ST3GAL2: variants seen among roughly 807,000 people sequenced by gnomAD.
ST3GAL2 encodes the protein CMP-N-acetylneuraminate-beta-galactosamide-alpha-2,3-sialyltransferase 2.
A neutral mutation model predicts 37.5 loss-of-function variants in ST3GAL2; 16 were observed. The observed-to-expected ratio is 0.43, with a 90% CI of 0.29 to 0.65. The LOEUF (loss-of-function observed/expected upper bound fraction) is 0.65, where lower values mean the gene tolerates loss of function less well. Ranked by LOEUF, ST3GAL2 falls within the 30% of genes least tolerant of loss-of-function variation. The pLI, the probability that ST3GAL2 is intolerant of heterozygous loss-of-function variation, is 0.17. For missense variants in ST3GAL2, 383 were observed against 487.8 expected (o/e 0.79, Z 2.02); for synonymous variants, 238 against 202.9 (o/e 1.17, Z -1.47).
At chr16:70,385,334 G>A (rs1391153791) in intron 4 of ST3GAL2, among the ~76,000 whole-genome samples, 1 of 151,988 alleles carries the variant, frequency 6.6e-6, no homozygotes, top group African/African-American at 2.4e-5. Flanking sequence ...AAAAAGAATA[G>A]TTAAATCATA....
chr16:70,413,659 C>T (rs1215337095), intron 1 of ST3GAL2, among the ~76,000 whole-genome samples: 1 of 150,818 alleles, frequency 6.6e-6, no homozygotes, highest in Non-Finnish European at 1.5e-5. Context: ...TTGCTTGAGC[C>T]CAGGAAGCGG....
At chr16:70,437,398 G>A (rs1356710620) in intron 1 of ST3GAL2, among the ~76,000 whole-genome samples, 1 of 152,056 alleles carries the variant, frequency 6.6e-6, no homozygotes, top group Non-Finnish European at 1.5e-5. Context: ...TGCTCCTTCA[G>A]GAACCCACAT....
In ST3GAL2 at chr16:70,378,394, A is replaced by G. The variant is rs2047366614; in HGVS notation, c.*3295T>C. 1 of 108,832 alleles carries G rather than the reference A, an allele frequency of 9.2e-6. No homozygotes were observed. Among genetic ancestry groups the G allele is most frequent in the African/African-American group, 3.7e-5 (1 of 26,864 alleles). 6.7% of individuals were successfully genotyped at this position (108,832 alleles called of 1,614,324 possible). ...ACTCCAGCCTGGGTGACAGAGCAAG[A>G]CTCCATCTCAAAAAAAAAAAAAAAA... is the stretch of plus-strand genomic sequence containing the variant. On this transcript the variant is annotated 3_prime_UTR_variant, in exon 7 of 7. Coordinates refer to ENST00000342907, the MANE Select transcript of ST3GAL2 (RefSeq NM_006927.4).
chr16:70,429,104 G>A (rs1472009193), intron 1 of ST3GAL2, among the ~76,000 whole-genome samples: 1 of 152,228 alleles, frequency 6.6e-6, no homozygotes, highest in Non-Finnish European at 1.5e-5. Context: ...CCCCTCAGCT[G>A]CAGGAGCCTG....
chr16:70,402,898 G>T (rs1004787741), intron 1 of ST3GAL2, among the ~76,000 whole-genome samples: 3 of 152,110 alleles, frequency 2.0e-5, no homozygotes, highest in African/African-American at 7.2e-5. Flanking sequence ...TGATCCACCC[G>T]CCTCAGCCTC....
chr16:70,403,905 G>C (rs999282722), intron 1 of ST3GAL2, among the ~76,000 whole-genome samples: 1 of 152,096 alleles, frequency 6.6e-6, no homozygotes, highest in African/African-American at 2.4e-5. Flanking sequence ...TTAGGCATAA[G>C]GATCACTTGA....
intron 1 of ST3GAL2, among the ~76,000 whole-genome samples, chr16:70,407,070 C>T (rs2047597574): frequency 6.6e-6 from 1 of 151,530 alleles, no homozygotes; most frequent in Non-Finnish European, 1.5e-5. Flanking sequence ...ACAGAGAGAC[C>T]AGATGTGAAA....
chr16:70,430,074 G>A (rs141245890), intron 1 of ST3GAL2, among the ~76,000 whole-genome samples: 2 of 152,230 alleles, frequency 1.3e-5, no homozygotes, highest in South Asian at 2.1e-4. Flanking sequence ...CTTGAGGACA[G>A]CCAAACAGAC....
At chr16:70,420,996 C>T (rs568826860) in intron 1 of ST3GAL2, among the ~76,000 whole-genome samples, 1 of 152,238 alleles carries the variant, frequency 6.6e-6, no homozygotes, top group Non-Finnish European at 1.5e-5. Context: ...TCATTGTGAG[C>T]CCACGGCCAG....
intron 1 of ST3GAL2, among the ~76,000 whole-genome samples, chr16:70,418,355 G>A (rs1195059220): frequency 6.6e-6 from 1 of 152,136 alleles, no homozygotes; most frequent in Non-Finnish European, 1.5e-5. Flanking sequence ...AGGGCTCCTT[G>A]GCTTTGACAG....
rs1447561163 is a variant in ST3GAL2 at position 70,398,893 on chromosome 16, C to T, written c.-363G>A. On this transcript the variant is annotated 5_prime_UTR_variant, in exon 2 of 7. Transcript: ENST00000342907. The stretch of plus-strand genomic sequence containing the variant: ...ATTGCTGGCTGCCAGCTCTAGGGGT[C>T]CCCCTCTTTGGCGGCTTGAAATAAT... 8.6e-6 allele frequency: 4 copies of T among 466,638 alleles called. No individual in the cohort carries two copies. The highest frequency in any genetic ancestry group is 1.5e-5 in the Non-Finnish European group (4 of 266,460). The allele number at this position is 466,638 out of a possible 1,614,324, so 28.9% of individuals were successfully genotyped here. A position where few individuals can be genotyped will look rare whatever the true frequency, so the allele number is the denominator to read the frequency against.
intron 5 of ST3GAL2, 133 bp from the exon 6 acceptor site, chr16:70,383,057 T>C: frequency 1.9e-6 from 3 of 1,581,902 alleles, no homozygotes; most frequent in Non-Finnish European, 2.6e-6. Context: ...TGGCACCTGC[T>C]AGGGTCAGGC....
At chr16:70,433,622 G>C (rs965867300) in intron 1 of ST3GAL2, among the ~76,000 whole-genome samples, 2 of 152,098 alleles carry the variant, frequency 1.3e-5, no homozygotes, top group African/African-American at 4.8e-5. Flanking sequence ...ATGACAAAAT[G>C]AGTGAGCACA....
Position 70,431,089 on chromosome 16 carries a change from G to C in ST3GAL2, c.-1004+7860C>G, listed in dbSNP as rs569959391. ...AAGCCTGCAAAGAAGACAGGAAGGA[G>C]GGGGCGTGGGGGAGGCAGGCAGCAG... On this transcript the variant is annotated intron_variant, in intron 1 of 6. Transcript: ENST00000342907. 2.0e-4 allele frequency among the ~76,000 whole-genome samples: 31 copies of C among 151,606 alleles called. 1 individual carries two copies. The highest frequency in any genetic ancestry group is 8.4e-4 in the South Asian group (4 of 4,776).
intron 1 of ST3GAL2, among the ~76,000 whole-genome samples, chr16:70,419,214 G>A (rs16970154): frequency 0.041 from 6,229 of 152,316 alleles, 456 homozygotes; most frequent in African/African-American, 0.14. Flanking sequence ...TAGGGTGCCT[G>A]CAAGTCCCAC....
At chr16:70,422,944 CT>C (rs1156629024) in intron 1 of ST3GAL2, 2 of 152,138 alleles carry the variant, frequency 1.3e-5, no homozygotes, top group African/African-American at 4.8e-5. Context: ...TTTTCTGTAC[CT>C]GAAACTGGCA....
chr16:70,406,771 A>ACTCT (rs199576174), intron 1 of ST3GAL2, among the ~76,000 whole-genome samples: 1 of 151,316 alleles, frequency 6.6e-6, no homozygotes, highest in African/African-American at 2.4e-5. Context: ...ACAGAGTGAG[A>ACTCT]CTCTGTCTCA....
At chr16:70,425,084 C>T (rs918532517) in intron 1 of ST3GAL2, among the ~76,000 whole-genome samples, 5 of 152,064 alleles carry the variant, frequency 3.3e-5, no homozygotes, top group African/African-American at 7.2e-5. Flanking sequence ...TGGTGATGCA[C>T]GCCTGTAGTC....
At chr16:70,428,321 AC>A (rs2047765367) in intron 1 of ST3GAL2, among the ~76,000 whole-genome samples, 1 of 152,252 alleles carries the variant, frequency 6.6e-6, no homozygotes, top group Non-Finnish European at 1.5e-5. Context: ...CGGCAGCAGC[AC>A]CAACTCAACT....
Sources: allele counts gnomAD v4.1 joint callset (sites outside exome capture counted in the v4.1 genomes callset), GRCh38; gene constraint gnomAD v4.1.1; transcripts MANE v1.5; gene names NCBI Gene and HGNC (gene_info 2026-07-23, HGNC 2026-07-21).